The following ZNF280D variants were observed in gnomAD, a reference collection of about 807,000 sequenced individuals.
ZNF280D encodes suppressor of hairy wing homolog 4.
In ZNF280D, 39 loss-of-function variants were observed where a neutral mutation model predicts 94.7. The ratio of observed to expected loss-of-function variants is 0.41; its 90% confidence interval spans 0.32 to 0.54. ZNF280D has a LOEUF of 0.54. Among genes scored for constraint, ZNF280D ranks in the 20% least tolerant of loss-of-function variants. The pLI, the probability that ZNF280D is intolerant of heterozygous loss-of-function variation, is 0.22. For missense variants in ZNF280D, 1,090 were observed against 1,149.3 expected (o/e 0.95, Z 0.75); for synonymous variants, 398 against 377.6 (o/e 1.05, Z -0.63).
chr15:56,635,363 G>C, intron 20 of ZNF280D, 113 bp from the exon 21 acceptor site: 1 of 321,310 alleles, frequency 3.1e-6, no homozygotes, highest in South Asian at 1.1e-4. Flanking sequence ...ATATAACAAA[G>C]AAATAGAAAA....
At chr15:56,669,090 AATAAT>A in intron 13 of ZNF280D, 133 bp from the exon 14 acceptor site, 1 of 739,858 alleles carries the variant, frequency 1.4e-6, no homozygotes, top group East Asian at 2.9e-5. Context: ...CTCCTATCAT[AATAAT>A]ATAAAATGCC....
At position 56,666,705 on chromosome 15, in the gene ZNF280D, T is replaced by C; in HGVS notation, c.1827A>G (p.Lys609=). The change falls in exon 15 of 22, where the codon AAA becomes AAG. Residue 609 remains lysine, a synonymous_variant. Transcript: ENST00000267807. ...TTAAATTCCTCAATGCTGTATTGAC[T>C]TTACTTTTTTTATTGCTACTAGCCA... is the stretch of plus-strand genomic sequence containing the variant. ...STLASSNKKS[K]VNTALRNLRY... is the part of the protein sequence containing the mutation. 2 of 1,610,028 alleles carry C rather than the reference T, an allele frequency of 1.2e-6. No homozygotes were observed. The highest frequency in any genetic ancestry group is 1.7e-6 in the Non-Finnish European group (2 of 1,178,926).
intron 16 of ZNF280D, 46 bp from the exon 17 acceptor site, chr15:56,658,532 C>T (rs2053697889): frequency 6.7e-6 from 9 of 1,341,414 alleles, no homozygotes; most frequent in Non-Finnish European, 8.1e-6. Context: ...TACAATAAGT[C>T]ACATTAATTT....
At chr15:56,678,622 G>T (rs778365127) in intron 11 of ZNF280D, 42 bp downstream of exon 11, 1 of 1,414,668 alleles carries the variant, frequency 7.1e-7, no homozygotes, top group Non-Finnish European at 9.4e-7. Flanking sequence ...TTATATTAGC[G>T]AAATCAATAA....
At chr15:56,705,998 T>C (rs12910459) in intron 3 of ZNF280D, among the ~76,000 whole-genome samples, 59,768 of 148,204 alleles carry the variant, frequency 0.4, 15,085 homozygotes, top group Non-Finnish European at 0.56. Context: ...AAAATTCATA[T>C]GTTTAAGACC....
intron 19 of ZNF280D, among the ~76,000 whole-genome samples, chr15:56,651,092 C>T (rs532375607): frequency 6.6e-6 from 1 of 152,250 alleles, no homozygotes; most frequent in South Asian, 2.1e-4. Context: ...GTCTATATTT[C>T]TAGAAACTAG....
chr15:56,665,121 C>A (rs975837178), intron 16 of ZNF280D, among the ~76,000 whole-genome samples: 2 of 151,990 alleles, frequency 1.3e-5, no homozygotes, highest in African/African-American at 4.8e-5. Flanking sequence ...TGAGGTCAGG[C>A]CAACCATGAA....
chr15:56,644,600 A>C (rs913461059), intron 19 of ZNF280D, among the ~76,000 whole-genome samples: 3 of 152,188 alleles, frequency 2.0e-5, no homozygotes, highest in African/African-American at 7.2e-5. Context: ...AACTTATCGT[A>C]GTAAATGTTA....
chr15:56,689,047 G>C lies in ZNF280D; in HGVS notation c.774C>G (p.His258Gln), dbSNP rs1162928856. The C allele has an allele frequency of 6.3e-7, 1 of 1,593,688 alleles. No homozygotes were observed. Among genetic ancestry groups the C allele is most frequent in the Admixed American group, 1.8e-5 (1 of 55,996 alleles). The change falls in exon 9 of 22, where the codon CAC (histidine) becomes CAG (glutamine). Residue 258 changes from histidine to glutamine, a missense_variant. Transcript: ENST00000267807. Reference protein sequence around the residue: ...HFNLLDPLKNHMKYCCPDMIN... With the variant: ...HFNLLDPLKNQMKYCCPDMIN... The stretch of plus-strand genomic sequence containing the variant: ...AATTTTGAAAGAGTTTTACCTTCAT[G>C]TGATTTTTCAAAGGATCCAAAAGAT...
chr15:56,732,086 ATCTACC>A (rs2058920385), intron 1 of ZNF280D, among the ~76,000 whole-genome samples: 1 of 152,218 alleles, frequency 6.6e-6, no homozygotes, highest in South Asian at 2.1e-4. Flanking sequence ...GCCTATTCTC[ATCTACC>A]TCATTCCCAC....
rs1277719518 is a variant in ZNF280D, at chr15:56,631,767, C to T, written c.2671G>A (p.Val891Ile). The T allele has an allele frequency of 3.7e-6, 6 of 1,614,170 alleles. No homozygotes were observed. The East Asian group carries it at 1.3e-4, about 36-fold the overall frequency. ...IKDLRLASDN[V>I]SIDQFLRKRH... is the part of the protein sequence containing the mutation. The stretch of plus-strand genomic sequence containing the variant: ...TTTCTCAAAAACTGATCAATGCTTA[C>T]ATTATCTGATGCTAATCGCAAATCC... The change falls in exon 22 of 22, where the codon GTA becomes ATA. Residue 891 changes from valine to isoleucine, a missense_variant. By Grantham distance (29) the Val-to-Ile change is conservative. Around this residue, in one of 3 missense-constraint regions of ZNF280D, gnomAD observed 577 missense variants for 568.8 expected, o/e 1.01. Coordinates refer to ENST00000267807, the MANE Select transcript of ZNF280D (RefSeq NM_017661.4).
intron 21 of ZNF280D, chr15:56,634,153 C>T (rs1012932853): frequency 2.0e-5 from 3 of 152,094 alleles, no homozygotes; most frequent in Non-Finnish European, 2.9e-5. Flanking sequence ...AGTCTGTCCA[C>T]TATATTTTGT....
At chr15:56,704,731 A>T (rs2057297893) in intron 3 of ZNF280D, among the ~76,000 whole-genome samples, 1 of 152,236 alleles carries the variant, frequency 6.6e-6, no homozygotes, top group African/African-American at 2.4e-5. Flanking sequence ...TTGTAATCCC[A>T]GCACTTTGGG....
chr15:56,668,705 A>T, intron 14 of ZNF280D, 118 bp downstream of exon 14: 3 of 977,110 alleles, frequency 3.1e-6, no homozygotes, highest in Non-Finnish European at 4.3e-6. Context: ...TAAAACCTAA[A>T]ATTAGAGTCT....
chr15:56,721,647 A>G (rs2141409551), intron 1 of ZNF280D, among the ~76,000 whole-genome samples: 1 of 152,286 alleles, frequency 6.6e-6, no homozygotes, highest in African/African-American at 2.4e-5. Flanking sequence ...GTTAGCTTCA[A>G]GCTTTTCTTC....
chr15:56,682,795 T>A (rs991475313), intron 9 of ZNF280D, among the ~76,000 whole-genome samples: 14 of 152,046 alleles, frequency 9.2e-5, no homozygotes, highest in African/African-American at 3.4e-4. Flanking sequence ...ATCTGTTCCT[T>A]AACTAAAAAT....
chr15:56,667,571 C>T lies in ZNF280D; in HGVS notation c.1546-585G>A, dbSNP rs569480457. Among the ~76,000 whole-genome samples the T allele has an allele frequency of 2.0e-5, 3 of 152,214 alleles. No homozygotes were observed. In the South Asian group the frequency reaches 6.2e-4, roughly 32 times the overall value. ...AATACAAAGTTCATCATTTAGTATT[C>T]AGAATGAGAAAATGTTTAATTTCAT... On this transcript the variant is annotated intron_variant, in intron 14 of 21. Coordinates refer to ENST00000267807, the MANE Select transcript of ZNF280D (RefSeq NM_017661.4).
rs1383980520 is a variant in ZNF280D, at chr15:56,666,877, A to G, written c.1655T>C (p.Ile552Thr). The G allele has an allele frequency of 1.9e-6, 3 of 1,613,890 alleles. No homozygotes were observed. The highest frequency in any genetic ancestry group is 2.2e-5 in the East Asian group (1 of 44,834). The part of the protein sequence containing the change: ...LQLSPPRTKN[I>T]TAKNPAKSNT... ...AGATTTTGCAGGATTTTTAGCAGTT[A>G]TATTTTTAGTCCTTGGAGGTGAGAG... Residue 552 changes from isoleucine (I) to threonine (T), a missense_variant, in exon 15 of 22, where the codon ATA becomes ACA. By Grantham distance (89) the Ile-to-Thr change is moderately conservative (BLOSUM62 -1). Coordinates refer to ENST00000267807, the MANE Select transcript of ZNF280D (RefSeq NM_017661.4).
intron 16 of ZNF280D, among the ~76,000 whole-genome samples, chr15:56,664,436 A>C (rs1596401152): frequency 6.6e-6 from 1 of 152,284 alleles, no homozygotes; most frequent in East Asian, 1.9e-4. Context: ...AGTTAACTGA[A>C]TATGGTCATG....
Sources: allele counts gnomAD v4.1 joint callset (sites outside exome capture counted in the v4.1 genomes callset), GRCh38; gene constraint gnomAD v4.1.1; regional missense constraint gnomAD v4.1.1; transcripts MANE v1.5; gene names NCBI Gene and HGNC (gene_info 2026-07-23, HGNC 2026-07-21).